The following IL20RB variants were observed in gnomAD, a reference collection of about 807,000 sequenced individuals.
IL20RB encodes the protein interleukin 20 receptor subunit beta, also known as interleukin-20 receptor subunit beta.
Under a neutral mutation model 33.3 loss-of-function variants are expected in IL20RB, and 21 were observed. That is an observed-to-expected ratio of 0.63 (90% CI 0.45 to 0.91). The LOEUF (loss-of-function observed/expected upper bound fraction) is 0.91. Ranked by LOEUF, IL20RB falls within the 40% of genes least tolerant of loss-of-function variation. IL20RB has a pLI of 0.00. For synonymous variants in IL20RB, 147 were observed against 146.8 expected (o/e 1.00, Z -0.01); for missense variants, 345 against 384.8 (o/e 0.90, Z 0.86).
At chr3:136,975,342 T>G (rs1312605441) in intron 1 of IL20RB, among the ~76,000 whole-genome samples, 1 of 152,082 alleles carries the variant, frequency 6.6e-6, no homozygotes, top group Non-Finnish European at 1.5e-5. Flanking sequence ...TTATTTTTAT[T>G]TTTATTTATT....
intron 5 of IL20RB, among the ~76,000 whole-genome samples, chr3:136,992,470 A>G (rs1219448009): frequency 6.6e-6 from 1 of 152,222 alleles, no homozygotes; most frequent in Non-Finnish European, 1.5e-5. Context: ...GTTGTATAAC[A>G]CCACAGCCTT....
intron 3 of IL20RB, among the ~76,000 whole-genome samples, chr3:136,987,902 C>T (rs922746908): frequency 2.0e-5 from 3 of 152,214 alleles, no homozygotes; most frequent in Admixed American, 6.5e-5. Context: ...ACCAAGCCCA[C>T]GCCCACCCGG....
At chr3:136,976,752 T>C (rs1941628451) in intron 1 of IL20RB, among the ~76,000 whole-genome samples, 1 of 152,202 alleles carries the variant, frequency 6.6e-6, no homozygotes, top group African/African-American at 2.4e-5. Context: ...GGATAGCATG[T>C]GCATCTGCCA....
intron 5 of IL20RB, among the ~76,000 whole-genome samples, chr3:136,993,844 C>G (rs1240492520): frequency 6.6e-6 from 1 of 151,796 alleles, no homozygotes; most frequent in Non-Finnish European, 1.5e-5. Context: ...GAAACCCTGT[C>G]TCTACTAAAA....
At chr3:136,992,138 C>T in intron 5 of IL20RB, 50 bp downstream of exon 5, 1 of 1,588,792 alleles carries the variant, frequency 6.3e-7, no homozygotes, top group Non-Finnish European at 8.6e-7. Context: ...GATAGCCCCT[C>T]CTGGCATATC....
chr3:137,009,499 T>A (rs1021117680), intron 6 of IL20RB, among the ~76,000 whole-genome samples: 3 of 152,150 alleles, frequency 2.0e-5, no homozygotes, highest in African/African-American at 7.2e-5. Context: ...GACCAGGTCA[T>A]AATTCTCAGA....
At chr3:137,009,316 G>A (rs1283304797) in intron 6 of IL20RB, among the ~76,000 whole-genome samples, 4 of 152,190 alleles carry the variant, frequency 2.6e-5, no homozygotes, top group Non-Finnish European at 4.4e-5. Flanking sequence ...ATAGGTGGGA[G>A]AGTCCACCTG....
chr3:136,982,553 C>T (rs988398500), intron 3 of IL20RB, among the ~76,000 whole-genome samples: 10 of 152,186 alleles, frequency 6.6e-5, no homozygotes, highest in East Asian at 1.9e-4. Flanking sequence ...CCTTTGACTA[C>T]TCAAGTCATT....
At chr3:137,006,471 T>A (rs554473816) in intron 6 of IL20RB, among the ~76,000 whole-genome samples, 5 of 152,130 alleles carry the variant, frequency 3.3e-5, no homozygotes, top group East Asian at 1.9e-4. Context: ...CTTTTTTTTT[T>A]AACTCTTTTT....
At chr3:136,984,867 G>T (rs1941862919) in intron 3 of IL20RB, among the ~76,000 whole-genome samples, 1 of 152,118 alleles carries the variant, frequency 6.6e-6, no homozygotes, top group Non-Finnish European at 1.5e-5. Context: ...GGGAGATTAA[G>T]GGGCCCTGTA....
At chr3:137,002,428 T>C (rs968411512) in intron 6 of IL20RB, among the ~76,000 whole-genome samples, 12 of 152,164 alleles carry the variant, frequency 7.9e-5, no homozygotes, top group Admixed American at 6.5e-5. Context: ...ATATCCTCTC[T>C]AGCATCTGTT....
chr3:136,958,850 T>C (rs1280440914), intron 1 of IL20RB, among the ~76,000 whole-genome samples: 1 of 152,170 alleles, frequency 6.6e-6, no homozygotes, highest in Non-Finnish European at 1.5e-5. Context: ...AAGAGAAACT[T>C]CTAATTTTGA....
chr3:136,982,329 C>A lies in IL20RB; in HGVS notation c.385C>A (p.His129Asn). ...GACCTCAGCCTGGAGCATCCTGAAG[C>A]ATCCCTTTAATAGAAACTCAAGTAA... ...SQTSAWSILK[H>N]PFNRNSTILT... is the part of the protein sequence containing the mutation. Residue 129 changes from histidine to asparagine, a missense_variant, in exon 3 of 7, where the codon CAT (histidine) becomes AAT (asparagine). By Grantham distance (68) the His-to-Asn change is moderately conservative. Coordinates refer to ENST00000329582, the MANE Select transcript of IL20RB (RefSeq NM_144717.4). The A allele has an allele frequency of 6.3e-7, 1 of 1,597,510 alleles. No homozygotes were observed. The highest frequency in any genetic ancestry group is 8.6e-7 in the Non-Finnish European group (1 of 1,167,878).
intron 6 of IL20RB, among the ~76,000 whole-genome samples, chr3:137,006,586 A>G (rs1366914143): frequency 1.3e-5 from 2 of 152,094 alleles, no homozygotes; most frequent in East Asian, 1.9e-4. Flanking sequence ...TGCATGCGTC[A>G]TGAAGTTCTC....
chr3:136,988,066 A>G (rs983395407), intron 3 of IL20RB, among the ~76,000 whole-genome samples: 1 of 152,236 alleles, frequency 6.6e-6, no homozygotes, highest in Non-Finnish European at 1.5e-5. Flanking sequence ...GGGCTCCTCA[A>G]GTGCGGCCAA....
chr3:136,989,295 A>G lies in IL20RB; in HGVS notation c.407-146A>G, dbSNP rs939555516. 8.4e-6 allele frequency: 7 copies of G among 833,376 alleles called. No individual in the cohort carries two copies. In the Admixed American group the frequency reaches 1.5e-4, roughly 18 times the overall value. The allele number at this position is 833,376 out of a possible 1,614,324, so 51.6% of individuals were successfully genotyped here. A position where few individuals can be genotyped will look rare whatever the true frequency, so the allele number is the denominator to read the frequency against. On this transcript the variant is annotated intron_variant, in intron 3 of 6. Coordinates refer to ENST00000329582, the MANE Select transcript of IL20RB (RefSeq NM_144717.4). ...TGCATACAGGAGAGTATTTGTGTAC[A>G]TGTTTCCATGAGCTTGAAGCTACAG...
At position 137,010,270 on chromosome 3, in the gene IL20RB, A is replaced by G. The variant is rs750253432; in HGVS notation, c.*47A>G. The G allele has an allele frequency of 4.6e-6, 4 of 870,752 alleles. No homozygotes were observed. The African/African-American group carries it at 6.6e-5, about 14-fold the overall frequency. 53.9% of individuals were successfully genotyped at this position (870,752 alleles called of 1,614,324 possible). The stretch of plus-strand genomic sequence containing the variant: ...AAGCCGAGAACCTGGTCTGCATGAC[A>G]TGGAAACCATGAGGGGACAAGTTGT... On this transcript the variant is annotated 3_prime_UTR_variant, in exon 7 of 7. Transcript: ENST00000329582.
intron 6 of IL20RB, 47 bp downstream of exon 6, chr3:136,995,603 G>A (rs765776612): frequency 1.3e-6 from 2 of 1,597,078 alleles, no homozygotes; most frequent in East Asian, 4.5e-5. Context: ...CTGACCAGAT[G>A]TAGTTTGGGC....
intron 1 of IL20RB, among the ~76,000 whole-genome samples, chr3:136,963,650 G>A (rs1249233347): frequency 7.2e-6 from 1 of 138,718 alleles, no homozygotes; most frequent in East Asian, 2.1e-4. Context: ...AGTTTTGAGA[G>A]TTTTTTATGT....
Sources: allele counts gnomAD v4.1 joint callset (sites outside exome capture counted in the v4.1 genomes callset), GRCh38; gene constraint gnomAD v4.1.1; transcripts MANE v1.5; gene names NCBI Gene and HGNC (gene_info 2026-07-23, HGNC 2026-07-21).